Variants in PPFIA1 observed in about 807,000 individuals in gnomAD.
The protein encoded by PPFIA1 is liprin-alpha-1.
In PPFIA1, 25 loss-of-function variants were observed where a neutral mutation model predicts 149.9. The observed-to-expected ratio is 0.17, with a 90% CI of 0.12 to 0.23. The LOEUF (loss-of-function observed/expected upper bound fraction) is 0.23, where lower values mean the gene tolerates loss of function less well. Ranked by LOEUF, PPFIA1 falls within the 10% of genes least tolerant of loss-of-function variation. The pLI, the probability that PPFIA1 is intolerant of heterozygous loss-of-function variation, is 1.00. For synonymous variants in PPFIA1, 549 were observed against 552.8 expected, an observed-to-expected ratio of 0.99 and a Z score of 0.10; for missense variants, 1,362 against 1,506.5, an observed-to-expected ratio of 0.90 and a Z score of 1.59.
At chr11:70,382,035 A>G in intron 26 of PPFIA1, 53 bp from the exon 27 acceptor site, 2 of 1,537,412 alleles carry the variant, frequency 1.3e-6, no homozygotes, top group Non-Finnish European at 1.8e-6. Context: ...GTGATGTTCT[A>G]AGACTAACTG....
rs1314998628 is a variant in PPFIA1, at chr11:70,331,945, G to C, written c.1078-15G>C. On this transcript the variant is annotated splice_polypyrimidine_tract_variant and intron_variant, in intron 8 of 27. Transcript: ENST00000253925. Reference sequence around the variant, plus strand: ...AAGATTTGTTGCATTTTGATGCTTTGCTCTCATTTTATAGACTGAAGATAA... The same window carrying C: ...AAGATTTGTTGCATTTTGATGCTTTCCTCTCATTTTATAGACTGAAGATAA... The C allele has an allele frequency of 6.3e-7, 1 of 1,596,204 alleles. No individual in the cohort carries two copies. Among genetic ancestry groups the C allele is most frequent in the Admixed American group, 1.8e-5 (1 of 55,060 alleles).
chr11:70,350,103 T>C (rs2055963398), intron 16 of PPFIA1: 1 of 349,498 alleles, frequency 2.9e-6, no homozygotes, highest in South Asian at 2.1e-5. Flanking sequence ...ACTTTATTAA[T>C]GGGTTGTTTT....
At chr11:70,373,805 G>C (rs1345549830) in intron 23 of PPFIA1, 1 of 152,182 alleles carries the variant, frequency 6.6e-6, no homozygotes, top group Non-Finnish European at 1.5e-5. Flanking sequence ...CAGTTGAAGG[G>C]AAGTCTACTT....
chr11:70,284,216 G>A (rs2050952716), intron 2 of PPFIA1: 1 of 394,846 alleles, frequency 2.5e-6, no homozygotes. Flanking sequence ...TTCAGATGGT[G>A]CCCCCTCATC....
chr11:70,355,623 T>C lies in PPFIA1; in HGVS notation c.2316-16T>C. The stretch of plus-strand genomic sequence containing the variant: ...TACAAGGGCACATAGTAAAGATCCG[T>C]TTTCTTTCCTCGAAGCTCCACAGGC... On this transcript the variant is annotated splice_polypyrimidine_tract_variant and intron_variant, in intron 17 of 27. Transcript: ENST00000253925. The C allele has an allele frequency of 1.2e-5, 19 of 1,585,802 alleles. No individual in the cohort carries two copies. Among genetic ancestry groups the C allele is most frequent in the Non-Finnish European group, 1.6e-5 (19 of 1,170,544 alleles).
chr11:70,347,988 G>C (rs1010687158), intron 15 of PPFIA1, among the ~76,000 whole-genome samples: 6 of 152,178 alleles, frequency 3.9e-5, no homozygotes, highest in Admixed American at 3.9e-4. Context: ...GGGCAACAGA[G>C]CGAGACTCCA....
At chr11:70,319,517 C>T (rs1462005639) in intron 2 of PPFIA1, among the ~76,000 whole-genome samples, 1 of 152,192 alleles carries the variant, frequency 6.6e-6, no homozygotes, top group Non-Finnish European at 1.5e-5. Flanking sequence ...CTGCTGATTT[C>T]CCAGTCTTAA....
At chr11:70,285,016 T>G (rs1399804991) in intron 2 of PPFIA1, among the ~76,000 whole-genome samples, 1 of 152,156 alleles carries the variant, frequency 6.6e-6, no homozygotes, top group Non-Finnish European at 1.5e-5. Flanking sequence ...TTTATGTATT[T>G]CTTTATTTAA....
chr11:70,291,618 C>T lies in PPFIA1; in HGVS notation c.264+19182C>T, dbSNP rs2051528208. Reference sequence around the variant, plus strand: ...ACAGGAATTCAGTGCATTGCCCTTCCTCTGTTTCTTTTTGTGATTGATGGA... The same window carrying T: ...ACAGGAATTCAGTGCATTGCCCTTCTTCTGTTTCTTTTTGTGATTGATGGA... On this transcript the variant is annotated intron_variant, in intron 2 of 27. Coordinates refer to ENST00000253925, the MANE Select transcript of PPFIA1 (RefSeq NM_003626.5). Among the ~76,000 whole-genome samples, 14 of 152,242 alleles carry T rather than the reference C, an allele frequency of 9.2e-5. No individual in the cohort carries two copies. In the South Asian group the frequency reaches 2.9e-3, roughly 32 times the overall value.
chr11:70,321,761 G>C (rs2053957907), intron 2 of PPFIA1, among the ~76,000 whole-genome samples: 1 of 152,172 alleles, frequency 6.6e-6, no homozygotes, highest in Non-Finnish European at 1.5e-5. Flanking sequence ...CAGATGACAG[G>C]GACAAGATGG....
chr11:70,295,258 C>T (rs1221291307), intron 2 of PPFIA1, among the ~76,000 whole-genome samples: 2 of 129,948 alleles, frequency 1.5e-5, no homozygotes, highest in Non-Finnish European at 1.6e-5. Flanking sequence ...CCCTCCCGGA[C>T]GGGGTGGCTG....
At chr11:70,320,597 C>G (rs2053880955) in intron 2 of PPFIA1, among the ~76,000 whole-genome samples, 1 of 151,396 alleles carries the variant, frequency 6.6e-6, no homozygotes, top group Admixed American at 6.6e-5. Flanking sequence ...GCCACCATGC[C>G]CGGCTAATTT....
At position 70,372,221 on chromosome 11, in the gene PPFIA1, G is replaced by C. The variant is rs140483365; in HGVS notation, c.2872G>C (p.Ala958Pro). 2 of 1,606,948 alleles carry C rather than the reference G, an allele frequency of 1.2e-6. No homozygotes were observed. The highest frequency in any genetic ancestry group is 1.7e-6 in the Non-Finnish European group (2 of 1,177,330). The change falls in exon 22 of 28, where the codon GCC becomes CCC. Residue 958 changes from alanine to proline, a missense_variant. Coordinates refer to ENST00000253925, the MANE Select transcript of PPFIA1 (RefSeq NM_003626.5). ...SAPPTSRTTL[A>P]YGDMNHEWIG... is the part of the protein sequence containing the mutation. ...TTCCATTTATGAAAAGCAGACACTC[G>C]CCTATGGGGACATGAACCACGAGTG... is the stretch of plus-strand genomic sequence containing the variant.
At chr11:70,341,677 A>G (rs6592542) in intron 14 of PPFIA1, among the ~76,000 whole-genome samples, 67,063 of 152,022 alleles carry the variant, frequency 0.44, 16,415 homozygotes, top group African/African-American at 0.65. Context: ...ACAAGATGAC[A>G]CCACCTCATG....
At chr11:70,286,984 T>C (rs542658511) in intron 2 of PPFIA1, among the ~76,000 whole-genome samples, 22 of 148,102 alleles carry the variant, frequency 1.5e-4, no homozygotes, top group East Asian at 1.4e-3. Flanking sequence ...TATATGCACA[T>C]ACACACACAC....
chr11:70,272,573 C>T (rs773970305), intron 2 of PPFIA1, 137 bp downstream of exon 2: 2 of 1,089,206 alleles, frequency 1.8e-6, no homozygotes, highest in Non-Finnish European at 2.6e-6. Flanking sequence ...GTTTGTAAGT[C>T]AAATACAAAG....
chr11:70,349,666 G>A (rs1052510033), intron 16 of PPFIA1, among the ~76,000 whole-genome samples: 6 of 152,132 alleles, frequency 3.9e-5, no homozygotes, highest in Non-Finnish European at 7.4e-5. Flanking sequence ...GGCATATGAG[G>A]TGGTAACTAG....
chr11:70,314,310 C>G (rs2053463326), intron 2 of PPFIA1, among the ~76,000 whole-genome samples: 1 of 152,082 alleles, frequency 6.6e-6, no homozygotes, highest in Admixed American at 6.6e-5. Flanking sequence ...GAGACAATTG[C>G]AGTGGTGAGT....
chr11:70,371,048 A>G (rs1301698719), intron 21 of PPFIA1, among the ~76,000 whole-genome samples: 1 of 152,072 alleles, frequency 6.6e-6, no homozygotes, highest in Non-Finnish European at 1.5e-5. Context: ...CCGGAGAATG[A>G]CTTGAACCCT....
Sources: gnomAD v4.1 joint callset for allele counts (sites outside exome capture counted in the v4.1 genomes callset) on GRCh38, gnomAD v4.1.1 for gene constraint, MANE v1.5 for transcripts, NCBI Gene and HGNC (gene_info 2026-07-23, HGNC 2026-07-21) for gene names.